TNKS2: variants seen among roughly 807,000 people sequenced by gnomAD.
The protein encoded by TNKS2 is poly [ADP-ribose] polymerase tankyrase-2.
In TNKS2, 72 loss-of-function variants were observed where a neutral mutation model predicts 137.6. The observed-to-expected ratio is 0.52, with a 90% confidence interval of 0.43 to 0.64. The LOEUF (loss-of-function observed/expected upper bound fraction) is 0.64, where lower values mean the gene tolerates loss of function less well. Among genes scored for constraint, TNKS2 ranks in the 30% least tolerant of loss-of-function variants. TNKS2 has a pLI of 0.00. For synonymous variants in TNKS2, 516 were observed against 512.1 expected (o/e 1.01, Z -0.10); for missense variants, 1,049 against 1,410.2 (o/e 0.74, Z 4.10).
intron 13 of TNKS2, 66 bp downstream of exon 13, chr10:91,837,064 A>G: frequency 6.6e-7 from 1 of 1,509,128 alleles, no homozygotes; most frequent in Non-Finnish European, 9.0e-7. Context: ...TTTAATCTGT[A>G]CTGTTACAAT....
At chr10:91,822,491 G>A (rs61874701) in intron 7 of TNKS2, 129 bp downstream of exon 7, 92,759 of 694,408 alleles carry the variant, frequency 0.13, 6,879 homozygotes, top group Middle Eastern at 0.18. Context: ...GTATTTATAA[G>A]CATTATAAAA....
At chr10:91,836,034 ATTTTT>A (rs777452772) in intron 12 of TNKS2, among the ~76,000 whole-genome samples, 1 of 53,524 alleles carries the variant, frequency 1.9e-5, no homozygotes, top group Non-Finnish European at 3.4e-5. Context: ...TGTGTGTGTA[ATTTTT>A]TTTTTTTTTT....
rs1489808558 is a variant in TNKS2 at position 91,859,596 on chromosome 10, G to A, written c.3229G>A (p.Gly1077Arg). ...CAATCAATATGTATATGGAATTGGA[G>A]GAGGTACTGGGTGTCCAGTTCACAA... is the stretch of plus-strand genomic sequence containing the variant. ...KSNQYVYGIG[G>R]GTGCPVHKDR... Residue 1077 changes from glycine (G) to arginine (R), a missense_variant, in exon 25 of 27, where the codon GGA (glycine) becomes AGA (arginine). This residue lies in a region of TNKS2 where 133 missense variants were observed against 248.4 expected (regional missense o/e 0.54). Transcript: ENST00000371627. 6.2e-7 allele frequency: 1 copy of A among 1,613,620 alleles called. No homozygotes were observed. The highest frequency in any genetic ancestry group is 8.5e-7 in the Non-Finnish European group (1 of 1,179,876).
chr10:91,859,918 T>G (rs1842808707), intron 25 of TNKS2, among the ~76,000 whole-genome samples: 1 of 152,162 alleles, frequency 6.6e-6, no homozygotes, highest in Non-Finnish European at 1.5e-5. Context: ...AAAGTAACAT[T>G]AGGCATGAAA....
At chr10:91,802,475 G>C (rs1356548446) in intron 1 of TNKS2, among the ~76,000 whole-genome samples, 1 of 152,174 alleles carries the variant, frequency 6.6e-6, no homozygotes, top group Admixed American at 6.5e-5. Context: ...CGATCGAACT[G>C]TCTGGAAGTA....
chr10:91,825,108 G>C (rs10881976), intron 7 of TNKS2, among the ~76,000 whole-genome samples: 2 of 151,500 alleles, frequency 1.3e-5, no homozygotes, highest in African/African-American at 4.9e-5. Flanking sequence ...GTTTTGTTTT[G>C]TTTTGGTCGA....
intron 9 of TNKS2, 61 bp downstream of exon 9, chr10:91,828,467 A>C: frequency 5.0e-6 from 7 of 1,391,070 alleles, no homozygotes; most frequent in Non-Finnish European, 5.7e-6. Context: ...AACTAATCAT[A>C]ATATCCTACT....
chr10:91,859,997 A>T (rs2133685729), intron 25 of TNKS2, among the ~76,000 whole-genome samples: 1 of 152,302 alleles, frequency 6.6e-6, no homozygotes, highest in Non-Finnish European at 1.5e-5. Flanking sequence ...TTCAAATGCT[A>T]AAATGGCATT....
chr10:91,815,445 TTA>T (rs1272050995), intron 2 of TNKS2, among the ~76,000 whole-genome samples: 3 of 150,944 alleles, frequency 2.0e-5, no homozygotes, highest in African/African-American at 4.9e-5. Flanking sequence ...CCTCAGAATC[TTA>T]GACATATAAT....
chr10:91,833,144 C>A (rs987071322), intron 11 of TNKS2, among the ~76,000 whole-genome samples: 4 of 152,114 alleles, frequency 2.6e-5, no homozygotes, highest in African/African-American at 9.7e-5. Context: ...AACCAAAACT[C>A]CTGTAGAGAT....
chr10:91,856,212 T>G (rs1489222972), intron 23 of TNKS2, among the ~76,000 whole-genome samples: 1 of 152,232 alleles, frequency 6.6e-6, no homozygotes, highest in African/African-American at 2.4e-5. Flanking sequence ...TCAGTTACTC[T>G]TCTTAGGAAC....
chr10:91,821,238 G>A (rs548447202), intron 6 of TNKS2, among the ~76,000 whole-genome samples: 6 of 151,514 alleles, frequency 4.0e-5, no homozygotes, highest in South Asian at 4.2e-4. Flanking sequence ...AGGTTTTGCC[G>A]TGTTGGCCAG....
rs183167382 is a variant in TNKS2 at position 91,861,903 on chromosome 10, A to G, written c.3282-96A>G. 8.3e-5 allele frequency: 91 copies of G among 1,090,768 alleles called. No individual in the cohort carries two copies. In the East Asian group the frequency reaches 2.0e-3, roughly 24 times the overall value. The allele number at this position is 1,090,768 out of a possible 1,614,324, so 67.6% of individuals were successfully genotyped here. On this transcript the variant is annotated intron_variant, in intron 25 of 26. Coordinates refer to ENST00000371627, the MANE Select transcript of TNKS2 (RefSeq NM_025235.4). ...TAAAAACAATTATAAGTATTTATGTATAAATAATTTTTTAAAACTTATGCC... is the reference window on the plus strand; with the variant it reads ...TAAAAACAATTATAAGTATTTATGTGTAAATAATTTTTTAAAACTTATGCC...
intron 13 of TNKS2, among the ~76,000 whole-genome samples, chr10:91,839,631 A>G (rs1842148255): frequency 6.6e-6 from 1 of 152,150 alleles, no homozygotes; most frequent in African/African-American, 2.4e-5. Context: ...TTCCACATGG[A>G]GTGGTATGGT....
In TNKS2 at chr10:91,831,032, G is replaced by C. The variant is rs1845228410; in HGVS notation, c.1196+18G>C. ...ACTAAAGAGTAAGTATACATTTAAT[G>C]ATTAAATATCATTGAGATTTTACTC... On this transcript the variant is annotated intron_variant, in intron 10 of 26. Coordinates refer to ENST00000371627, the MANE Select transcript of TNKS2 (RefSeq NM_025235.4). 1.9e-6 allele frequency: 3 copies of C among 1,610,726 alleles called. No individual in the cohort carries two copies. In the African/African-American group the frequency reaches 4.0e-5, roughly 22 times the overall value.
intron 13 of TNKS2, among the ~76,000 whole-genome samples, chr10:91,837,848 A>G (rs1842077062): frequency 6.6e-6 from 1 of 152,130 alleles, no homozygotes; most frequent in African/African-American, 2.4e-5. Context: ...CAGTTTTATT[A>G]TTTGACATGT....
At chr10:91,852,612 C>T (rs1028145015) in intron 21 of TNKS2, among the ~76,000 whole-genome samples, 5 of 152,184 alleles carry the variant, frequency 3.3e-5, no homozygotes, top group Admixed American at 1.3e-4. Context: ...CCACATTTAA[C>T]TTTATTGTTC....
Position 91,849,495 on chromosome 10 carries a change from A to G in TNKS2, c.2612-17A>G. ...TGATGTGAAATTCCATTTGTTTTGG[A>G]TTTTTTTATTTCCCAGTTCCAGGAG... On this transcript the variant is annotated splice_polypyrimidine_tract_variant and intron_variant, in intron 19 of 26. Coordinates refer to ENST00000371627, the MANE Select transcript of TNKS2 (RefSeq NM_025235.4). 6.2e-7 allele frequency: 1 copy of G among 1,600,582 alleles called. No individual in the cohort carries two copies. The highest frequency in any genetic ancestry group is 1.1e-5 in the South Asian group (1 of 88,778).
chr10:91,856,565 G>A (rs1218798715), intron 23 of TNKS2, among the ~76,000 whole-genome samples: 2 of 152,220 alleles, frequency 1.3e-5, no homozygotes, highest in African/African-American at 2.4e-5. Flanking sequence ...GAGCAGGAGA[G>A]AGGTTGTGTG....
Sources: allele counts gnomAD v4.1 joint callset (sites outside exome capture counted in the v4.1 genomes callset), GRCh38; gene constraint gnomAD v4.1.1; regional missense constraint gnomAD v4.1.1; transcripts MANE v1.5; gene names NCBI Gene and HGNC (gene_info 2026-07-23, HGNC 2026-07-21).